The following GALNT13 variants were observed in gnomAD, a reference collection of about 807,000 sequenced individuals.
GALNT13 encodes the protein polypeptide N-acetylgalactosaminyltransferase 13.
A neutral mutation model predicts 64.2 loss-of-function variants in GALNT13; 28 were observed. That is an observed-to-expected ratio of 0.44 (90% confidence interval 0.32 to 0.60). The LOEUF (loss-of-function observed/expected upper bound fraction) is 0.60. Among genes scored for constraint, GALNT13 ranks in the 20% least tolerant of loss-of-function variants. The probability of loss-of-function intolerance (pLI) is 0.05; values close to 1 mark genes in which losing one functional copy is unlikely to be tolerated. For synonymous variants in GALNT13, 214 were observed against 224.6 expected, an observed-to-expected ratio of 0.95 and a Z score of 0.42; for missense variants, 577 against 669.8, an observed-to-expected ratio of 0.86 and a Z score of 1.53.
chr2:153,346,639 T>G, the GALNT13 span, among the ~76,000 whole-genome samples: 1 of 152,204 alleles, frequency 6.6e-6, no homozygotes, highest in Non-Finnish European at 1.5e-5. Context: ...GTTCTTAATA[T>G]AGACCCTGGA....
chr2:153,717,143 G>A, the GALNT13 span, among the ~76,000 whole-genome samples: 2 of 152,014 alleles, frequency 1.3e-5, no homozygotes, highest in Non-Finnish European at 2.9e-5. Context: ...TTATTCCCCC[G>A]ACATAAGAGC....
the GALNT13 span, among the ~76,000 whole-genome samples, chr2:153,434,988 T>C: frequency 1.3e-5 from 2 of 152,306 alleles, no homozygotes; most frequent in African/African-American, 4.8e-5. Flanking sequence ...CTTTAATCCA[T>C]CTTGAATTAA....
the GALNT13 span, among the ~76,000 whole-genome samples, chr2:153,404,257 G>C: frequency 2.6e-5 from 4 of 152,136 alleles, no homozygotes; most frequent in Non-Finnish European, 5.9e-5. Context: ...CCAGTTATTG[G>C]TGTCAGCCAT....
Position 154,301,624 on chromosome 2 carries a change from A to C in GALNT13, c.1156+35A>C, listed in dbSNP as rs779819896. 5 of 1,403,594 alleles carry C rather than the reference A, an allele frequency of 3.6e-6. No homozygotes were observed. In the South Asian group the frequency reaches 6.2e-5, roughly 17 times the overall value. The allele number at this position is 1,403,594 out of a possible 1,614,324, so 86.9% of individuals were successfully genotyped here. A position where few individuals can be genotyped will look rare whatever the true frequency, so the allele number is the denominator to read the frequency against. On this transcript the variant is annotated intron_variant, in intron 9 of 12. Coordinates refer to ENST00000392825, the MANE Select transcript of GALNT13 (RefSeq NM_052917.4). ...TCTGACATTTTTCTTTCTCTACAGGAGAAAATAAAATTGAAACATACTGAA... is the reference window on the plus strand; with the variant it reads ...TCTGACATTTTTCTTTCTCTACAGGCGAAAATAAAATTGAAACATACTGAA...
At chr2:154,053,591 T>G (rs1158837802) in intron 3 of GALNT13, among the ~76,000 whole-genome samples, 2 of 152,124 alleles carry the variant, frequency 1.3e-5, no homozygotes, top group African/African-American at 4.8e-5. Context: ...AACAAAAGAC[T>G]AACTAAACAA....
the GALNT13 span, among the ~76,000 whole-genome samples, chr2:153,591,063 A>T: frequency 3.3e-5 from 5 of 152,124 alleles, no homozygotes; most frequent in Non-Finnish European, 5.9e-5. Flanking sequence ...TATGTCTAGA[A>T]TAACCTTATA....
At chr2:153,949,861 A>T (rs963991600) in intron 3 of GALNT13, among the ~76,000 whole-genome samples, 3 of 152,094 alleles carry the variant, frequency 2.0e-5, no homozygotes, top group Non-Finnish European at 4.4e-5. Context: ...ATCAGTGGGG[A>T]AAAGAGAGGC....
At chr2:153,482,770 T>G in the GALNT13 span, among the ~76,000 whole-genome samples, 1 of 82,886 alleles carries the variant, frequency 1.2e-5, no homozygotes, top group Non-Finnish European at 2.1e-5. Flanking sequence ...GCACCCAGCC[T>G]TTTTTTTTTT....
intron 4 of GALNT13, among the ~76,000 whole-genome samples, chr2:154,171,467 G>T (rs1202245501): frequency 6.6e-6 from 1 of 152,132 alleles, no homozygotes; most frequent in Non-Finnish European, 1.5e-5. Flanking sequence ...GACAATGCAT[G>T]AGTTGTCAAA....
chr2:154,416,691 A>G (rs563781626), intron 11 of GALNT13, among the ~76,000 whole-genome samples: 1 of 152,272 alleles, frequency 6.6e-6, no homozygotes, highest in Non-Finnish European at 1.5e-5. Context: ...AAGTTCTTCA[A>G]ACAATGAAGT....
intron 9 of GALNT13, among the ~76,000 whole-genome samples, chr2:154,388,422 CTT>C (rs1698618183): frequency 6.6e-6 from 1 of 152,104 alleles, no homozygotes; most frequent in Non-Finnish European, 1.5e-5. Flanking sequence ...TCCATTTTTG[CTT>C]TTGTTGCTTG....
the GALNT13 span, among the ~76,000 whole-genome samples, chr2:153,553,159 G>C: frequency 6.6e-6 from 1 of 152,210 alleles, no homozygotes; most frequent in Non-Finnish European, 1.5e-5. Context: ...CTAAGATATG[G>C]AGTGGATATG....
the GALNT13 span, among the ~76,000 whole-genome samples, chr2:153,669,233 C>T: frequency 2.6e-5 from 4 of 152,170 alleles, no homozygotes; most frequent in African/African-American, 4.8e-5. Context: ...TTAGCATGCA[C>T]TCATCCATGG....
chr2:154,364,429 C>T (rs1368916027), intron 9 of GALNT13, among the ~76,000 whole-genome samples: 4 of 150,384 alleles, frequency 2.7e-5, no homozygotes, highest in African/African-American at 4.9e-5. Flanking sequence ...GAGAATATCT[C>T]GACTCCAGTA....
intron 3 of GALNT13, among the ~76,000 whole-genome samples, chr2:153,962,045 A>G (rs1250198566): frequency 1.3e-5 from 2 of 152,186 alleles, no homozygotes; most frequent in Non-Finnish European, 2.9e-5. Context: ...AACTTGATGT[A>G]ACTTCATTAT....
At chr2:154,344,608 G>A (rs1269203860) in intron 9 of GALNT13, among the ~76,000 whole-genome samples, 1 of 151,824 alleles carries the variant, frequency 6.6e-6, no homozygotes, top group Non-Finnish European at 1.5e-5. Flanking sequence ...TAATGCCTGT[G>A]GATACATAAT....
intron 9 of GALNT13, among the ~76,000 whole-genome samples, chr2:154,378,677 G>T (rs1372717630): frequency 6.6e-6 from 1 of 151,776 alleles, no homozygotes; most frequent in Non-Finnish European, 1.5e-5. Flanking sequence ...CGATTCTCTG[G>T]TATCGACTCT....
intron 4 of GALNT13, among the ~76,000 whole-genome samples, chr2:154,152,694 C>G (rs1164903276): frequency 6.6e-6 from 1 of 152,192 alleles, no homozygotes; most frequent in East Asian, 1.9e-4. Flanking sequence ...TCTTCCATCA[C>G]TGATACTCTT....
chr2:154,156,944 T>C (rs1684458489), intron 4 of GALNT13, among the ~76,000 whole-genome samples: 1 of 152,182 alleles, frequency 6.6e-6, no homozygotes. Flanking sequence ...TGAGTTTATT[T>C]GGGAGACGGT....
Sources: gnomAD v4.1 joint callset for allele counts (sites outside exome capture counted in the v4.1 genomes callset) on GRCh38, gnomAD v4.1.1 for gene constraint, MANE v1.5 for transcripts, NCBI Gene and HGNC (gene_info 2026-07-23, HGNC 2026-07-21) for gene names.